Variants in AGMO observed in about 807,000 individuals in gnomAD.
AGMO encodes the protein glyceryl-ether monooxygenase.
Under a neutral mutation model 60.2 loss-of-function variants are expected in AGMO, and 75 were observed. The ratio of observed to expected loss-of-function variants is 1.25; its 90% CI spans 1.03 to 1.51. The LOEUF (loss-of-function observed/expected upper bound fraction) is 1.51, where lower values mean the gene tolerates loss of function less well. AGMO is among the 40% of genes most tolerant of loss of function. AGMO has a pLI of 0.00. For missense variants in AGMO, 763 were observed against 525.5 expected, an observed-to-expected ratio of 1.45 and a Z score of -4.42; for synonymous variants, 261 against 177.1, an observed-to-expected ratio of 1.47 and a Z score of -3.76.
At chr7:15,214,517 G>A (rs376464819) in intron 12 of AGMO, among the ~76,000 whole-genome samples, 2 of 151,898 alleles carry the variant, frequency 1.3e-5, no homozygotes, top group South Asian at 2.1e-4. Flanking sequence ...CCTCAAATTT[G>A]AGAACCATTG....
intron 12 of AGMO, among the ~76,000 whole-genome samples, chr7:15,256,975 A>T (rs1783117614): frequency 6.6e-6 from 1 of 152,216 alleles, no homozygotes; most frequent in African/African-American, 2.4e-5. Context: ...TCTTCTTGTA[A>T]GCCTCTAAAC....
intron 12 of AGMO, among the ~76,000 whole-genome samples, chr7:15,258,818 A>G (rs1277419063): frequency 6.6e-6 from 1 of 152,096 alleles, no homozygotes; most frequent in Non-Finnish European, 1.5e-5. Context: ...GACTCAGAAG[A>G]GCAAAAACAA....
intron 10 of AGMO, among the ~76,000 whole-genome samples, chr7:15,381,810 G>T (rs912842776): frequency 9.2e-5 from 14 of 152,114 alleles, no homozygotes; most frequent in Admixed American, 7.9e-4. Context: ...AGAAAATTAG[G>T]TAAGTATACA....
At chr7:15,391,255 A>C (rs1366604717) in intron 6 of AGMO, among the ~76,000 whole-genome samples, 1 of 152,102 alleles carries the variant, frequency 6.6e-6, no homozygotes, top group Non-Finnish European at 1.5e-5. Context: ...TGAGAAATAA[A>C]ATCAGAAAAC....
chr7:15,296,860 G>A (rs971734295), intron 12 of AGMO, among the ~76,000 whole-genome samples: 13 of 152,232 alleles, frequency 8.5e-5, no homozygotes, highest in African/African-American at 2.6e-4. Flanking sequence ...GAGTCTTAAA[G>A]AAGCCAAAGC....
At chr7:15,535,973 A>T (rs1296031957) in intron 3 of AGMO, among the ~76,000 whole-genome samples, 1 of 151,932 alleles carries the variant, frequency 6.6e-6, no homozygotes, top group Non-Finnish European at 1.5e-5. Context: ...CTCATGAACG[A>T]CTGAGTGCCT....
chr7:15,364,614 A>T (rs1782899613), intron 12 of AGMO, among the ~76,000 whole-genome samples: 1 of 152,082 alleles, frequency 6.6e-6, no homozygotes, highest in African/African-American at 2.4e-5. Context: ...GTGTGAGTAT[A>T]TCATTTCAGT....
chr7:15,203,938 C>T (rs780989180), intron 12 of AGMO, among the ~76,000 whole-genome samples: 12 of 151,952 alleles, frequency 7.9e-5, no homozygotes, highest in Non-Finnish European at 1.5e-4. Flanking sequence ...TGTCAGTAAC[C>T]GCTAGGCTTC....
chr7:15,363,645 T>C (rs1238135344), intron 12 of AGMO, among the ~76,000 whole-genome samples: 1 of 152,184 alleles, frequency 6.6e-6, no homozygotes, highest in Non-Finnish European at 1.5e-5. Context: ...ATCTTATCAC[T>C]AGCGTTCATC....
At chr7:15,358,512 G>C in intron 12 of AGMO, 1 of 458,278 alleles carries the variant, frequency 2.2e-6, no homozygotes, top group Non-Finnish European at 4.5e-6. Flanking sequence ...TGTGAATTAG[G>C]AGGGTAAGAA....
At chr7:15,481,778 G>A (rs1268979930) in intron 3 of AGMO, among the ~76,000 whole-genome samples, 1 of 147,708 alleles carries the variant, frequency 6.8e-6, no homozygotes, top group Admixed American at 6.9e-5. Context: ...GCATTTTCTG[G>A]GACTAAATGT....
chr7:15,270,615 T>C (rs1490427360), intron 12 of AGMO, among the ~76,000 whole-genome samples: 1 of 69,078 alleles, frequency 1.4e-5, no homozygotes, highest in East Asian at 5.8e-4. Context: ...TTTTTTTTTT[T>C]TTTTTTTTTT....
At chr7:15,549,257 A>G (rs1165912105) in intron 2 of AGMO, among the ~76,000 whole-genome samples, 22 of 147,052 alleles carry the variant, frequency 1.5e-4, no homozygotes, top group Admixed American at 5.4e-4. Flanking sequence ...AACTGCATCA[A>G]CTAACGAGCA....
intron 3 of AGMO, among the ~76,000 whole-genome samples, chr7:15,444,924 A>G (rs1026574232): frequency 6.6e-6 from 1 of 152,084 alleles, no homozygotes; most frequent in Non-Finnish European, 1.5e-5. Context: ...CATTATCATC[A>G]TCTTGATCAC....
At chr7:15,548,690 T>C (rs1033525758) in intron 2 of AGMO, among the ~76,000 whole-genome samples, 36 of 152,174 alleles carry the variant, frequency 2.4e-4, no homozygotes, top group Non-Finnish European at 4.7e-4. Context: ...CTACGTCTGA[T>C]TGGTGTGCCT....
At chr7:15,260,745 A>T (rs768357629) in intron 12 of AGMO, among the ~76,000 whole-genome samples, 20 of 152,124 alleles carry the variant, frequency 1.3e-4, no homozygotes, top group Admixed American at 3.9e-4. Flanking sequence ...ACATTGTTCA[A>T]GGTACATCAT....
At chr7:15,351,689 G>C (rs1257341033) in intron 12 of AGMO, among the ~76,000 whole-genome samples, 1 of 152,182 alleles carries the variant, frequency 6.6e-6, no homozygotes, top group African/African-American at 2.4e-5. Context: ...TCATGCAATA[G>C]CAGCTACTAC....
At chr7:15,393,909 C>T (rs554900593) in intron 6 of AGMO, among the ~76,000 whole-genome samples, 2 of 150,826 alleles carry the variant, frequency 1.3e-5, no homozygotes, top group East Asian at 3.9e-4. Context: ...AGATAAATCC[C>T]CCTACCCCAC....
At chr7:15,269,732 T>C (rs1048086376) in intron 12 of AGMO, among the ~76,000 whole-genome samples, 22 of 151,930 alleles carry the variant, frequency 1.4e-4, no homozygotes, top group Non-Finnish European at 2.9e-5. Flanking sequence ...ACGAAACCAA[T>C]AGGTAAGGCT....
Sources: gnomAD v4.1 joint callset for allele counts (sites outside exome capture counted in the v4.1 genomes callset) on GRCh38, gnomAD v4.1.1 for gene constraint, MANE v1.5 for transcripts, NCBI Gene and HGNC (gene_info 2026-07-23, HGNC 2026-07-21) for gene names.